The following PCDHA13 variants were observed in gnomAD, a reference collection of about 807,000 sequenced individuals.
PCDHA13 encodes protocadherin alpha 13, also known as protocadherin alpha-13.
In PCDHA13, 54 loss-of-function variants were observed where a neutral mutation model predicts 64.8. The ratio of observed to expected loss-of-function variants is 0.83; its 90% CI spans 0.67 to 1.04. The LOEUF is 1.04. Ranked by LOEUF, PCDHA13 falls within the 50% of genes least tolerant of loss-of-function variation. The pLI, the probability that PCDHA13 is intolerant of heterozygous loss-of-function variation, is 0.00. For missense variants in PCDHA13, 1,248 were observed against 1,254.3 expected (o/e 0.99, Z 0.08); for synonymous variants, 587 against 564.4 (o/e 1.04, Z -0.57).
chr5:140,928,557 C>G lies in PCDHA13; in HGVS notation c.2394+43895C>G, dbSNP rs556688707. 7 of 1,614,238 alleles carry G rather than the reference C, an allele frequency of 4.3e-6. 1 individual carries two copies. The East Asian group carries it at 1.6e-4, about 36-fold the overall frequency. On this transcript the variant is annotated intron_variant, in intron 1 of 3. Coordinates refer to ENST00000289272, the MANE Select transcript of PCDHA13 (RefSeq NM_018904.3). ...ATAGGAATGACAATTATCCGGTTAT[C>G]TTGTTTCCCTTGCCCAGAAATGGTT...
At chr5:140,963,346 A>G (rs2095758163) in intron 1 of PCDHA13, among the ~76,000 whole-genome samples, 1 of 152,236 alleles carries the variant, frequency 6.6e-6, no homozygotes, top group Non-Finnish European at 1.5e-5. Flanking sequence ...TTGTAAATTT[A>G]GTTCTTTTCA....
At chr5:140,911,316 A>G (rs1308533373) in intron 1 of PCDHA13, among the ~76,000 whole-genome samples, 1 of 152,186 alleles carries the variant, frequency 6.6e-6, no homozygotes, top group African/African-American at 2.4e-5. Context: ...TCCAAGTTTC[A>G]GGATCCCATT....
At chr5:140,891,409 C>T (rs1295005747) in intron 1 of PCDHA13, among the ~76,000 whole-genome samples, 1 of 148,202 alleles carries the variant, frequency 6.7e-6, no homozygotes, top group Non-Finnish European at 1.5e-5. Context: ...CGCCACCCCC[C>T]ACTCTTGCCC....
In PCDHA13 at chr5:140,977,999, G is replaced by A. The variant is rs1185111218; in HGVS notation, c.2395-950G>A. Among the ~76,000 whole-genome samples the A allele has an allele frequency of 1.3e-5, 2 of 152,132 alleles. 1 individual carries two copies. The highest frequency in any genetic ancestry group is 4.8e-5 in the African/African-American group (2 of 41,406). ...AAACGCATCTAGAGGAGTGTCACAA[G>A]TTTTTCACAGTGACATTTTTGCTTA... On this transcript the variant is annotated intron_variant, in intron 1 of 3. Coordinates refer to ENST00000289272, the MANE Select transcript of PCDHA13 (RefSeq NM_018904.3).
intron 2 of PCDHA13, among the ~76,000 whole-genome samples, chr5:140,979,425 A>G (rs1009935948): frequency 2.0e-5 from 3 of 151,814 alleles, no homozygotes; most frequent in African/African-American, 7.3e-5. Context: ...TTTTAATCTC[A>G]CATTGGCTAT....
chr5:140,898,118 A>T (rs2153459272), intron 1 of PCDHA13, among the ~76,000 whole-genome samples: 1 of 151,730 alleles, frequency 6.6e-6, no homozygotes, highest in Non-Finnish European at 1.5e-5. Context: ...GGTTGCGAAA[A>T]TTTTCTCCCA....
chr5:140,989,727 A>G (rs1203211477), intron 3 of PCDHA13, among the ~76,000 whole-genome samples: 2 of 152,308 alleles, frequency 1.3e-5, no homozygotes, highest in East Asian at 3.9e-4. Flanking sequence ...TTTGCAGTTG[A>G]AAAGGCCATT....
intron 2 of PCDHA13, 175 bp downstream of exon 2, chr5:140,979,182 A>C: frequency 2.6e-5 from 24 of 928,990 alleles, no homozygotes; most frequent in Non-Finnish European, 3.1e-5. Context: ...GCAAATGGTC[A>C]GTGCCAGATG....
At chr5:141,006,423 C>T (rs1554260738) in intron 3 of PCDHA13, among the ~76,000 whole-genome samples, 1 of 152,060 alleles carries the variant, frequency 6.6e-6, no homozygotes, top group African/African-American at 2.4e-5. Context: ...CTGTGTTAGC[C>T]AGGATGGTCT....
chr5:140,978,575 G>A (rs2096810585), intron 1 of PCDHA13, among the ~76,000 whole-genome samples: 1 of 152,202 alleles, frequency 6.6e-6, no homozygotes, highest in African/African-American at 2.4e-5. Flanking sequence ...ATACTGAATT[G>A]GGAATGTTCC....
chr5:140,909,397 G>C (rs564100527), intron 1 of PCDHA13, among the ~76,000 whole-genome samples: 1 of 152,320 alleles, frequency 6.6e-6, no homozygotes, highest in East Asian at 1.9e-4. Flanking sequence ...TACAGCAGCT[G>C]CAATTGCAGT....
intron 1 of PCDHA13, among the ~76,000 whole-genome samples, chr5:140,912,566 T>G (rs1562988008): frequency 2.0e-5 from 3 of 152,178 alleles, no homozygotes; most frequent in Admixed American, 1.3e-4. Context: ...CAGTTTTAAC[T>G]TCCTCTTTTC....
chr5:140,887,326 G>A (rs1344500973), intron 1 of PCDHA13, among the ~76,000 whole-genome samples: 7 of 152,230 alleles, frequency 4.6e-5, no homozygotes, highest in South Asian at 2.1e-4. Context: ...TCGAACTCCT[G>A]ACCTCGTGAT....
rs75377875 is a variant in PCDHA13 at position 140,902,598 on chromosome 5, C to T, written c.2394+17936C>T. The stretch of plus-strand genomic sequence containing the variant: ...ATTTCAATAGTTTTGGGAAACAGGT[C>T]GTTTTCAGTTACATGGGTAAGTTAT... On this transcript the variant is annotated intron_variant, in intron 1 of 3. Coordinates refer to ENST00000289272, the MANE Select transcript of PCDHA13 (RefSeq NM_018904.3). Among the ~76,000 whole-genome samples, 274 of 152,044 alleles carry T rather than the reference C, an allele frequency of 1.8e-3. 4 individuals are homozygous for T. In the East Asian group the frequency reaches 0.048, roughly 27 times the overall value.
At chr5:140,968,640 C>T (rs2096260908) in intron 1 of PCDHA13, 1 of 1,614,038 alleles carries the variant, frequency 6.2e-7, no homozygotes, top group Admixed American at 1.7e-5. Context: ...TACCATCTAG[C>T]CCAGACTTCT....
intron 3 of PCDHA13, among the ~76,000 whole-genome samples, chr5:140,985,957 T>A (rs2097180705): frequency 6.6e-6 from 1 of 152,084 alleles, no homozygotes. Context: ...GCCAGGATGG[T>A]CTCAATCTCC....
rs782169362 is a variant in PCDHA13, at chr5:140,979,015, T to G, written c.2453+8T>G. Reference sequence around the variant, plus strand: ...GAGAGCAGGCATGCACAGGTATGTATTTCCCTCCTCATTCACTCAGAAGTA... The same window carrying G: ...GAGAGCAGGCATGCACAGGTATGTAGTTCCCTCCTCATTCACTCAGAAGTA... On this transcript the variant is annotated splice_region_variant and intron_variant, in intron 2 of 3. Transcript: ENST00000289272. 3 of 1,613,920 alleles carry G rather than the reference T, an allele frequency of 1.9e-6. No individual in the cohort carries two copies. The highest frequency in any genetic ancestry group is 2.5e-6 in the Non-Finnish European group (3 of 1,179,908).
At chr5:140,961,001 C>A (rs2095583358) in intron 1 of PCDHA13, among the ~76,000 whole-genome samples, 1 of 152,144 alleles carries the variant, frequency 6.6e-6, no homozygotes, top group Non-Finnish European at 1.5e-5. Context: ...CAATTTGCTG[C>A]TGGACTGCAT....
rs2093299605 is a variant in PCDHA13 at position 140,942,442 on chromosome 5, TA to T, written c.2395-36504del. 4.0e-5 allele frequency among the ~76,000 whole-genome samples: 6 copies of T among 151,626 alleles called. No homozygotes were observed. In the South Asian group the frequency reaches 1.2e-3, roughly 31 times the overall value. ...AAAAAGATATCTAACAATAAACAAG[TA>T]AACTATCAATTATAATACAATCAAA... On this transcript the variant is annotated intron_variant, in intron 1 of 3. Coordinates refer to ENST00000289272, the MANE Select transcript of PCDHA13 (RefSeq NM_018904.3).
Sources: allele counts gnomAD v4.1 joint callset (sites outside exome capture counted in the v4.1 genomes callset), GRCh38; gene constraint gnomAD v4.1.1; transcripts MANE v1.5; gene names NCBI Gene and HGNC (gene_info 2026-07-23, HGNC 2026-07-21).